BMPER: variants seen among roughly 807,000 people sequenced by gnomAD.
The protein encoded by BMPER is BMP-binding endothelial regulator protein.
Under a neutral mutation model 87.3 loss-of-function variants are expected in BMPER, and 45 were observed. The observed-to-expected ratio is 0.52, with a 90% CI of 0.41 to 0.66. BMPER has a LOEUF of 0.66. BMPER is among the 30% of genes least tolerant of loss of function. The probability of loss-of-function intolerance (pLI) is 0.00; values close to 1 mark genes in which losing one functional copy is unlikely to be tolerated. For missense variants in BMPER, 784 were observed against 867.5 expected, an observed-to-expected ratio of 0.90 and a Z score of 1.21; for synonymous variants, 326 against 316.2, an observed-to-expected ratio of 1.03 and a Z score of -0.33.
chr7:34,000,042 T>C (rs1335640075), intron 6 of BMPER, among the ~76,000 whole-genome samples: 1 of 152,204 alleles, frequency 6.6e-6, no homozygotes, highest in Non-Finnish European at 1.5e-5. Flanking sequence ...ATTTTTCTGA[T>C]CTACTAAAAA....
At chr7:33,933,511 G>A (rs1223135299) in intron 2 of BMPER, among the ~76,000 whole-genome samples, 1 of 115,106 alleles carries the variant, frequency 8.7e-6, no homozygotes, top group African/African-American at 3.3e-5. Flanking sequence ...CATTTCTCTT[G>A]TTTAGATCTG....
intron 10 of BMPER, among the ~76,000 whole-genome samples, 192 bp from the exon 11 acceptor site, chr7:34,061,810 G>C (rs1047265242): frequency 1.3e-5 from 2 of 152,170 alleles, no homozygotes; most frequent in African/African-American, 4.8e-5. Context: ...ACTTTGCCTG[G>C]CCTTAGAACC....
At chr7:33,923,732 C>T (rs1032482532) in intron 2 of BMPER, among the ~76,000 whole-genome samples, 3 of 152,212 alleles carry the variant, frequency 2.0e-5, no homozygotes, top group African/African-American at 4.8e-5. Context: ...ATTTATGTGT[C>T]TATGTGGGTA....
chr7:33,954,384 A>C (rs1785099559), intron 3 of BMPER, among the ~76,000 whole-genome samples: 1 of 152,214 alleles, frequency 6.6e-6, no homozygotes, highest in Admixed American at 6.5e-5. Flanking sequence ...CTAATGTTAA[A>C]ATATATAGTA....
chr7:34,085,988 AG>A lies in BMPER; in HGVS notation c.1644del (p.Thr549GlnfsTer4). The A allele has an allele frequency of 6.2e-7, 1 of 1,614,178 alleles. No individual in the cohort carries two copies. Among genetic ancestry groups the A allele is most frequent in the Non-Finnish European group, 8.5e-7 (1 of 1,180,034 alleles). ...QRKPVPELCQ[G>X]TVKVKLRAHR... is the part of the protein sequence containing the mutation. Reference sequence around the variant, plus strand: ...GAAAGCCAGTGCCTGAACTGTGTCAAGGGACAGTCAAGGTAAAGCTCCGGGC... The same window carrying A: ...GAAAGCCAGTGCCTGAACTGTGTCAAGGACAGTCAAGGTAAAGCTCCGGGC... On this transcript the variant is annotated frameshift_variant, in exon 13 of 15. Transcript: ENST00000649409. LOFTEE classifies it high-confidence loss of function.
intron 14 of BMPER, among the ~76,000 whole-genome samples, chr7:34,143,682 A>G (rs1013250435): frequency 1.1e-4 from 16 of 152,192 alleles, no homozygotes; most frequent in Admixed American, 9.8e-4. Flanking sequence ...GGCTTAGGTT[A>G]TGTGTGAAGC....
In BMPER at chr7:34,062,382, G is replaced by C. The variant is rs904082172; in HGVS notation, c.1078+335G>C. On this transcript the variant is annotated intron_variant, in intron 11 of 14. Coordinates refer to ENST00000649409, the MANE Select transcript of BMPER (RefSeq NM_001365308.1). Reference sequence around the variant, plus strand: ...CATCGCGGTTAAGATAATGCTATCCGTAAAACCAAACATTATACAAAGTCT... The same window carrying C: ...CATCGCGGTTAAGATAATGCTATCCCTAAAACCAAACATTATACAAAGTCT... Among the ~76,000 whole-genome samples, 4 of 152,136 alleles carry C rather than the reference G, an allele frequency of 2.6e-5. No individual in the cohort carries two copies. The South Asian group carries it at 8.3e-4, about 31-fold the overall frequency.
intron 6 of BMPER, among the ~76,000 whole-genome samples, chr7:34,010,934 A>G (rs1786857944): frequency 6.6e-6 from 1 of 151,928 alleles, no homozygotes; most frequent in African/African-American, 2.4e-5. Flanking sequence ...TCGGAATTAA[A>G]TAATTTAGAA....
chr7:34,151,043 G>A (rs188596783), intron 14 of BMPER, among the ~76,000 whole-genome samples: 3 of 152,252 alleles, frequency 2.0e-5, no homozygotes, highest in Admixed American at 2.0e-4. Context: ...GGAAGATGGG[G>A]TGAATGGTGG....
At chr7:33,965,784 C>T (rs1234604869) in intron 3 of BMPER, among the ~76,000 whole-genome samples, 1 of 152,186 alleles carries the variant, frequency 6.6e-6, no homozygotes, top group Non-Finnish European at 1.5e-5. Context: ...CACAGAGACT[C>T]AAGCTAACTG....
chr7:33,980,957 G>T (rs1785841489), intron 6 of BMPER, among the ~76,000 whole-genome samples: 1 of 152,196 alleles, frequency 6.6e-6, no homozygotes, highest in African/African-American at 2.4e-5. Flanking sequence ...GGTATTTGAA[G>T]AAAGCAAAGA....
At position 34,036,291 on chromosome 7, in the gene BMPER, C is replaced by T. The variant is rs529075021; in HGVS notation, c.577-10015C>T. On this transcript the variant is annotated intron_variant, in intron 6 of 14. Coordinates refer to ENST00000649409, the MANE Select transcript of BMPER (RefSeq NM_001365308.1). ...AAAAGGGCTCATTTTCTTCCTTTCA[C>T]TTTTTTTTGTTTGTTTGTTTCTGGG... Among the ~76,000 whole-genome samples, 46 of 152,162 alleles carry T rather than the reference C, an allele frequency of 3.0e-4. No individual in the cohort carries two copies. In the East Asian group the frequency reaches 7.7e-3, roughly 26 times the overall value.
intron 14 of BMPER, among the ~76,000 whole-genome samples, chr7:34,147,666 C>T (rs1020063876): frequency 1.3e-5 from 2 of 152,124 alleles, no homozygotes; most frequent in African/African-American, 4.8e-5. Context: ...GACGGGGTTT[C>T]TCCATGTTGG....
chr7:33,941,036 T>G (rs1471685243), intron 3 of BMPER, among the ~76,000 whole-genome samples: 1 of 135,442 alleles, frequency 7.4e-6, no homozygotes, highest in African/African-American at 2.8e-5. Context: ...AATTTATATA[T>G]TTATATATAA....
intron 13 of BMPER, among the ~76,000 whole-genome samples, chr7:34,118,200 G>T (rs1790166525): frequency 6.6e-6 from 1 of 152,062 alleles, no homozygotes; most frequent in Admixed American, 6.6e-5. Flanking sequence ...AGCTACTCAG[G>T]AGGCTAAGGC....
At chr7:34,074,253 C>T (rs1240764774) in intron 11 of BMPER, among the ~76,000 whole-genome samples, 1 of 152,238 alleles carries the variant, frequency 6.6e-6, no homozygotes. Flanking sequence ...CCCCCACCCC[C>T]ATACATGTTA....
intron 13 of BMPER, among the ~76,000 whole-genome samples, chr7:34,110,463 A>G (rs1207825943): frequency 6.6e-6 from 1 of 152,188 alleles, no homozygotes; most frequent in Non-Finnish European, 1.5e-5. Flanking sequence ...CGAAGCCTCC[A>G]GAGGGTTCAG....
chr7:34,038,742 G>A (rs1217088719), intron 6 of BMPER, among the ~76,000 whole-genome samples: 2 of 152,058 alleles, frequency 1.3e-5, no homozygotes, highest in East Asian at 1.9e-4. Flanking sequence ...AGGGGTCTTT[G>A]TTTGCTATTT....
intron 12 of BMPER, 39 bp downstream of exon 12, chr7:34,079,225 C>T: frequency 1.2e-6 from 2 of 1,609,728 alleles, no homozygotes; most frequent in South Asian, 2.2e-5. Context: ...CTAGCCTCCG[C>T]CTCACTTACC....
Sources: allele counts gnomAD v4.1 joint callset (sites outside exome capture counted in the v4.1 genomes callset), GRCh38; gene constraint gnomAD v4.1.1; transcripts MANE v1.5; gene names NCBI Gene and HGNC (gene_info 2026-07-23, HGNC 2026-07-21).